The following AARS2 variants were observed in gnomAD, a reference collection of about 807,000 sequenced individuals.
The protein encoded by AARS2 is alanyl-tRNA synthetase 2, mitochondrial.
In AARS2, 78 loss-of-function variants were observed where a neutral mutation model predicts 119.7. That is an observed-to-expected ratio of 0.65 (90% CI 0.54 to 0.79). The LOEUF is 0.79. Among genes scored for constraint, AARS2 ranks in the 30% least tolerant of loss-of-function variants. The probability of loss-of-function intolerance (pLI) is 0.00; values close to 1 mark genes in which losing one functional copy is unlikely to be tolerated. For synonymous variants in AARS2, 502 were observed against 526.3 expected (o/e 0.95, Z 0.63); for missense variants, 1,157 against 1,291.3 (o/e 0.90, Z 1.59).
chr6:44,301,985 C>T, intron 19 of AARS2, 75 bp downstream of exon 19: 4 of 1,491,552 alleles, frequency 2.7e-6, no homozygotes, highest in Admixed American at 1.9e-5. Flanking sequence ...ACCCCCATGC[C>T]CCAGCCCTTG....
Position 44,309,679 on chromosome 6 carries a change from CTG to C in AARS2, c.894+618_894+619del, listed in dbSNP as rs573195531. Among the ~76,000 whole-genome samples the C allele has an allele frequency of 2.4e-4, 36 of 152,338 alleles. 1 individual carries two copies. In the East Asian group the frequency reaches 6.7e-3, roughly 29 times the overall value. ...TCTCAGTAAACAGTCATGCCATTCA[CTG>C]TGTTGCTCAAGCCAATAGCCTGGGA... On this transcript the variant is annotated intron_variant, in intron 5 of 21. Coordinates refer to ENST00000244571, the MANE Select transcript of AARS2 (RefSeq NM_020745.4).
In AARS2 at chr6:44,300,675, G is replaced by A. The variant is rs1785280064; in HGVS notation, c.2830C>T (p.Leu944=). 2 of 1,613,470 alleles carry A rather than the reference G, an allele frequency of 1.2e-6. No individual in the cohort carries two copies. The highest frequency in any genetic ancestry group is 1.7e-5 in the Admixed American group (1 of 60,006). Residue 944 remains leucine, a synonymous_variant, in exon 22 of 22, where the codon CTG becomes TTG. Transcript: ENST00000244571. ...CCCCCCATGTGGCTGCACACTGCCA[G>A]TGCCCAGGCCTCTGCTGTGAAGGTG... ...MPTFTAEAWA[L]AVCSHMGGKA...
chr6:44,303,020 AAGGATCCGGGGCCCCTGGGCC>A (rs765232662), intron 16 of AARS2, 25 bp downstream of exon 16: 2 of 1,610,404 alleles, frequency 1.2e-6, no homozygotes, highest in Admixed American at 3.3e-5. Context: ...AGGGAAGGGC[AAGGATCCGGGGCCCCTGGGCC>A]AGGCAGCACA....
At chr6:44,312,643 G>A (rs1158871511) in intron 1 of AARS2, among the ~76,000 whole-genome samples, 6 of 152,096 alleles carry the variant, frequency 3.9e-5, no homozygotes, top group African/African-American at 1.4e-4. Context: ...GAGCCCAGAC[G>A]GCCTCTAAGG....
chr6:44,307,273 A>G lies in AARS2; in HGVS notation c.1016T>C (p.Ile339Thr). 1 of 1,613,938 alleles carries G rather than the reference A, an allele frequency of 6.2e-7. No homozygotes were observed. Among genetic ancestry groups the G allele is most frequent in the Non-Finnish European group, 8.5e-7 (1 of 1,179,976 alleles). ...RTLSVCISDGIFPGMSGPPLV... is the reference protein window; with the variant it reads ...RTLSVCISDGTFPGMSGPPLV... The stretch of plus-strand genomic sequence containing the variant: ...CGGGGGACCTGACATCCCAGGGAAG[A>G]TGCCATCAGAGATGCAGACACTGAG... Residue 339 changes from isoleucine (I) to threonine (T), a missense_variant, in exon 6 of 22, where the codon ATC becomes ACC. By Grantham distance (89) the Ile-to-Thr change is moderately conservative. Transcript: ENST00000244571. The surrounding 1 kb of genome is among the most constrained non-coding windows in gnomAD (Gnocchi z 4.4).
chr6:44,308,911 C>G (rs1786106492), intron 5 of AARS2, among the ~76,000 whole-genome samples: 1 of 152,186 alleles, frequency 6.6e-6, no homozygotes, highest in African/African-American at 2.4e-5. Context: ...CCTGAGAACT[C>G]TTCTCACCAC....
chr6:44,306,584 C>T (rs1464977433), intron 7 of AARS2, 52 bp from the exon 8 acceptor site: 1 of 1,606,620 alleles, frequency 6.2e-7, no homozygotes, highest in Non-Finnish European at 8.5e-7. Flanking sequence ...CAACCCACCC[C>T]CACCTCCCCA....
Position 44,312,275 on chromosome 6 carries a change from T to C in AARS2, c.244-12A>G, listed in dbSNP as rs754572358. On this transcript the variant is annotated splice_polypyrimidine_tract_variant and intron_variant, in intron 1 of 21. Transcript: ENST00000244571. ...AAGATTGGCTTGAACTGGAAGCACA[T>C]AGAGTGGGGAGGGGGAGAGGGATAT... 5.6e-6 allele frequency: 9 copies of C among 1,612,472 alleles called. No individual in the cohort carries two copies. Among genetic ancestry groups the C allele is most frequent in the East Asian group, 2.2e-5 (1 of 44,850 alleles).
chr6:44,307,293 A>G lies in AARS2; in HGVS notation c.996T>C (p.Ser332=). The change falls in exon 6 of 22, where the codon AGT becomes AGC. Residue 332 remains serine, a synonymous_variant. Transcript: ENST00000244571. This position sits in a 1 kb window ranked among gnomAD's most constrained non-coding sequence, Gnocchi z 4.4. ...GGAAGATGCCATCAGAGATGCAGAC[A>G]CTGAGTGTGCGGATGTGGTCAGCCA... is the stretch of plus-strand genomic sequence containing the variant. ...RVVADHIRTL[S]VCISDGIFPG... 1 of 1,613,924 alleles carries G rather than the reference A, an allele frequency of 6.2e-7. No homozygotes were observed. Among genetic ancestry groups the G allele is most frequent in the Non-Finnish European group, 8.5e-7 (1 of 1,179,954 alleles).
Position 44,301,171 on chromosome 6 carries a change from G to A in AARS2, c.2778C>T (p.Ala926=), listed in dbSNP as rs760374171. 2 of 1,613,466 alleles carry A rather than the reference G, an allele frequency of 1.2e-6. No homozygotes were observed. The highest frequency in any genetic ancestry group is 1.7e-5 in the Admixed American group (1 of 60,002). The change falls in exon 21 of 22, where the codon GCC becomes GCT. Residue 926 remains alanine (A), a synonymous_variant. Coordinates refer to ENST00000244571, the MANE Select transcript of AARS2 (RefSeq NM_020745.4). ...SPQPMGKVLC[A]CQVAQGAMPT... is the part of the protein sequence containing the mutation. Reference sequence around the variant, plus strand: ...CTTCCCTCACCTGGGCCACCTGACAGGCACACAGCACCTTCCCCATGGGCT... The same window carrying A: ...CTTCCCTCACCTGGGCCACCTGACAAGCACACAGCACCTTCCCCATGGGCT...
chr6:44,306,404 GAGA>G lies in AARS2; in HGVS notation c.1189-16_1189-14del, dbSNP rs144914586. ...CCAGGTTGGCGATCTGAACCAGGCA[GAGA>G]AGAAGTGGAGCTGGGTCTCCTTGGA... On this transcript the variant is annotated splice_polypyrimidine_tract_variant and intron_variant, in intron 8 of 21. Transcript: ENST00000244571. 12,916 of 1,614,154 alleles carry G rather than the reference GAGA, an allele frequency of 8.0e-3. 1,008 individuals carry two copies. In the East Asian group the frequency reaches 0.2, roughly 24 times the overall value.
intron 21 of AARS2, chr6:44,300,934 G>A: frequency 2.8e-6 from 2 of 721,420 alleles, no homozygotes; most frequent in Non-Finnish European, 2.3e-6. Flanking sequence ...GGGATGTGAG[G>A]CCTGGGAGGG....
chr6:44,301,149 C>T lies in AARS2; in HGVS notation c.2793+7G>A. The stretch of plus-strand genomic sequence containing the variant: ...GGGGCGGTGGGCTGCTCTCCCACTT[C>T]CCTCACCTGGGCCACCTGACAGGCA... On this transcript the variant is annotated splice_region_variant and intron_variant, in intron 21 of 21. Transcript: ENST00000244571. 2.5e-6 allele frequency: 4 copies of T among 1,612,120 alleles called. No individual in the cohort carries two copies. The highest frequency in any genetic ancestry group is 1.1e-5 in the South Asian group (1 of 90,948).
Position 44,302,782 on chromosome 6 carries a change from A to T in AARS2, c.2364+20T>A. 6.2e-7 allele frequency: 1 copy of T among 1,605,872 alleles called. No individual in the cohort carries two copies. Among genetic ancestry groups the T allele is most frequent in the Non-Finnish European group, 8.5e-7 (1 of 1,174,830 alleles). On this transcript the variant is annotated intron_variant, in intron 17 of 21. Coordinates refer to ENST00000244571, the MANE Select transcript of AARS2 (RefSeq NM_020745.4). ...TGCACCCACTCAACCCAGAAGTCCC[A>T]GGCCTACTGGCATGCTGACCTGCTG...
At chr6:44,304,153 G>A in intron 14 of AARS2, 28 bp downstream of exon 14, 1 of 1,612,090 alleles carries the variant, frequency 6.2e-7, no homozygotes, top group Non-Finnish European at 8.5e-7. Flanking sequence ...CACCTCACAT[G>A]AAGCCTGTCT....
intron 5 of AARS2, among the ~76,000 whole-genome samples, chr6:44,308,967 G>A (rs913952332): frequency 1.2e-4 from 19 of 152,242 alleles, no homozygotes; most frequent in African/African-American, 4.3e-4. Context: ...CCACAAGACT[G>A]GATTCTGCCT....
intron 14 of AARS2, 149 bp from the exon 15 acceptor site, chr6:44,303,572 C>T: frequency 8.1e-7 from 1 of 1,239,274 alleles, no homozygotes; most frequent in Admixed American, 2.0e-5. Context: ...TAAACACTAC[C>T]TGAGCAGACA....
intron 19 of AARS2, 86 bp downstream of exon 19, chr6:44,301,974 C>G: frequency 7.1e-7 from 1 of 1,398,982 alleles, no homozygotes; most frequent in Non-Finnish European, 9.9e-7. Flanking sequence ...GCCTCTGACT[C>G]ACCCCCATGC....
At position 44,311,558 on chromosome 6, in the gene AARS2, G is replaced by GT. The variant is rs772134287; in HGVS notation, c.436-24dup. On this transcript the variant is annotated intron_variant, in intron 2 of 21. Transcript: ENST00000244571. Reference sequence around the variant, plus strand: ...CTCCTGCAGCAGAAACCAGCATGGGGTGGGGGGGGAAGACGGGTGAGAGGG... The same window carrying GT: ...CTCCTGCAGCAGAAACCAGCATGGGGTTGGGGGGGGAAGACGGGTGAGAGGG... 4.4e-6 allele frequency: 7 copies of GT among 1,608,812 alleles called. 1 individual carries two copies. The highest frequency in any genetic ancestry group is 2.2e-5 in the East Asian group (1 of 44,838).
Sources: gnomAD v4.1 joint callset for allele counts (sites outside exome capture counted in the v4.1 genomes callset) on GRCh38, gnomAD v4.1.1 for gene constraint, Gnocchi (gnomAD v3.1) non-coding constraint, MANE v1.5 for transcripts, NCBI Gene and HGNC (gene_info 2026-07-23, HGNC 2026-07-21) for gene names.